Variants in TRAPPC8 observed in about 807,000 individuals in gnomAD.
The protein encoded by TRAPPC8 is general sporulation gene 1 homolog.
TRAPPC8 carries 54 observed loss-of-function variants against 174.3 expected under a neutral mutation model. That is an observed-to-expected ratio of 0.31 (90% CI 0.25 to 0.39). The LOEUF is 0.39. Among genes scored for constraint, TRAPPC8 ranks in the 10% least tolerant of loss-of-function variants. TRAPPC8 has a pLI of 1.00. For missense variants in TRAPPC8, 1,531 were observed against 1,699.1 expected (o/e 0.90, Z 1.74); for synonymous variants, 630 against 579.9 (o/e 1.09, Z -1.24).
At chr18:31,921,728 T>C (rs1172132712) in intron 2 of TRAPPC8, among the ~76,000 whole-genome samples, 1 of 152,160 alleles carries the variant, frequency 6.6e-6, no homozygotes. Context: ...AGCTTTCTCA[T>C]CTCACCTTCT....
At chr18:31,837,270 ATGC>A (rs2032803534) in intron 27 of TRAPPC8, among the ~76,000 whole-genome samples, 1 of 152,136 alleles carries the variant, frequency 6.6e-6, no homozygotes, top group Non-Finnish European at 1.5e-5. Context: ...GAATTCGCAT[ATGC>A]TGCTATTGGA....
At chr18:31,912,879 A>AGCC (rs2036977971) in intron 5 of TRAPPC8, among the ~76,000 whole-genome samples, 1 of 152,050 alleles carries the variant, frequency 6.6e-6, no homozygotes, top group Non-Finnish European at 1.5e-5. Flanking sequence ...TGTAACCCTA[A>AGCC]CACTTTGGGA....
In TRAPPC8 at chr18:31,829,554, C is replaced by T. The variant is rs2032240978; in HGVS notation, c.*1201G>A. On this transcript the variant is annotated 3_prime_UTR_variant, in exon 29 of 29. Transcript: ENST00000283351. ...CAGAGAGGCACACAGACTAGCCACCCATCTCTCAAGAAGAGTTGTTCCAAG... is the reference window on the plus strand; with the variant it reads ...CAGAGAGGCACACAGACTAGCCACCTATCTCTCAAGAAGAGTTGTTCCAAG... 1 of 152,268 alleles carries T rather than the reference C, an allele frequency of 6.6e-6. No homozygotes were observed. Among genetic ancestry groups the T allele is most frequent in the Non-Finnish European group, 1.5e-5 (1 of 68,086 alleles). 9.4% of individuals were successfully genotyped at this position (152,268 alleles called of 1,614,324 possible).
At chr18:31,846,019 C>T (rs78736206) in intron 26 of TRAPPC8, among the ~76,000 whole-genome samples, 2 of 152,204 alleles carry the variant, frequency 1.3e-5, no homozygotes, top group Non-Finnish European at 2.9e-5. Context: ...TTACAATATA[C>T]CCTCGGAGCT....
chr18:31,891,487 CAAGT>C (rs2035952754), intron 11 of TRAPPC8, among the ~76,000 whole-genome samples: 1 of 152,160 alleles, frequency 6.6e-6, no homozygotes, highest in African/African-American at 2.4e-5. Flanking sequence ...GAATACAACT[CAAGT>C]AAGTTTCCAC....
intron 2 of TRAPPC8, among the ~76,000 whole-genome samples, chr18:31,925,036 A>G (rs916281769): frequency 2.6e-5 from 4 of 152,152 alleles, no homozygotes; most frequent in Non-Finnish European, 4.4e-5. Context: ...GAAAAAAACT[A>G]TAAGTAATAA....
At chr18:31,927,032 G>C (rs2037646076) in intron 2 of TRAPPC8, among the ~76,000 whole-genome samples, 1 of 152,108 alleles carries the variant, frequency 6.6e-6, no homozygotes, top group South Asian at 2.1e-4. Flanking sequence ...GAAATTGGTG[G>C]GGCAAGGTAC....
chr18:31,861,586 C>T (rs1197874818), intron 19 of TRAPPC8, among the ~76,000 whole-genome samples: 1 of 151,978 alleles, frequency 6.6e-6, no homozygotes, highest in Non-Finnish European at 1.5e-5. Context: ...ATTTAAAAAC[C>T]ATCTGTACAT....
chr18:31,881,945 G>A (rs536737590), intron 12 of TRAPPC8, among the ~76,000 whole-genome samples: 1 of 152,192 alleles, frequency 6.6e-6, no homozygotes, highest in East Asian at 1.9e-4. Flanking sequence ...TCTCATACCA[G>A]TTTAGAATGG....
At chr18:31,917,814 CAT>C (rs1188630177) in intron 2 of TRAPPC8, 147 bp from the exon 3 acceptor site, 2 of 673,488 alleles carry the variant, frequency 3.0e-6, no homozygotes, top group Non-Finnish European at 2.5e-6. Flanking sequence ...TTCAGATGTA[CAT>C]GTGTGTATAT....
intron 9 of TRAPPC8, 88 bp from the exon 10 acceptor site, chr18:31,901,113 C>T: frequency 4.2e-6 from 5 of 1,203,986 alleles, no homozygotes; most frequent in Admixed American, 3.0e-5. Flanking sequence ...ATGAAATTTG[C>T]TGTTTTTTTT....
At chr18:31,839,497 T>C (rs750817785) in intron 26 of TRAPPC8, 40 bp from the exon 27 acceptor site, 4 of 1,507,058 alleles carry the variant, frequency 2.7e-6, no homozygotes, top group East Asian at 2.3e-5. Context: ...ATAAAAACAC[T>C]ACCTTGTTTA....
chr18:31,855,777 A>G lies in TRAPPC8; in HGVS notation c.3219T>C (p.Ile1073=). 6.2e-7 allele frequency: 1 copy of G among 1,603,610 alleles called. No homozygotes were observed. Among genetic ancestry groups the G allele is most frequent in the Non-Finnish European group, 8.5e-7 (1 of 1,177,616 alleles). The change falls in exon 21 of 29, where the codon ATT becomes ATC. Residue 1073 remains isoleucine, a synonymous_variant. Transcript: ENST00000283351. ...GTACATTTAAAGACCGACTGGTACA[A>G]ATAATTGCAGTGTGTCTTAATATTC... ...RHRILRHTAI[I]CTSRSLNVRA... is the part of the protein sequence containing the mutation.
At chr18:31,877,610 CAAA>C (rs1161138155) in intron 12 of TRAPPC8, among the ~76,000 whole-genome samples, 1 of 77,150 alleles carries the variant, frequency 1.3e-5, no homozygotes, top group East Asian at 4.1e-4. Flanking sequence ...GACTCCGTCT[CAAA>C]AAAAAAAAAA....
rs1008907501 is a variant in TRAPPC8 at position 31,830,598 on chromosome 18, A to G, written c.*157T>C. The G allele has an allele frequency of 1.6e-5, 10 of 618,582 alleles. No individual in the cohort carries two copies. The highest frequency in any genetic ancestry group is 1.2e-4 in the South Asian group (6 of 48,340). 38.3% of individuals were successfully genotyped at this position (618,582 alleles called of 1,614,324 possible). A position where few individuals can be genotyped will look rare whatever the true frequency, so the allele number is the denominator to read the frequency against. On this transcript the variant is annotated 3_prime_UTR_variant, in exon 29 of 29. Coordinates refer to ENST00000283351, the MANE Select transcript of TRAPPC8 (RefSeq NM_014939.5). Reference sequence around the variant, plus strand: ...AAGAATGTTAAGTATTCTCAGTCCAACGTGCTTTGCATCATCAACAAAATG... The same window carrying G: ...AAGAATGTTAAGTATTCTCAGTCCAGCGTGCTTTGCATCATCAACAAAATG...
At chr18:31,930,122 C>CT (rs763334461) in intron 2 of TRAPPC8, among the ~76,000 whole-genome samples, 226 of 144,362 alleles carry the variant, frequency 1.6e-3, no homozygotes, top group Middle Eastern at 3.6e-3. Flanking sequence ...TTAGGAAAAA[C>CT]TTTTTTTTTT....
At chr18:31,920,681 T>C (rs1404719128) in intron 2 of TRAPPC8, among the ~76,000 whole-genome samples, 1 of 151,980 alleles carries the variant, frequency 6.6e-6, no homozygotes, top group African/African-American at 2.4e-5. Flanking sequence ...GGCTCACACC[T>C]GTAATCCCAA....
chr18:31,900,729 T>C (rs1411534899), intron 10 of TRAPPC8, among the ~76,000 whole-genome samples, 196 bp downstream of exon 10: 1 of 152,024 alleles, frequency 6.6e-6, no homozygotes, highest in African/African-American at 2.4e-5. Flanking sequence ...CAACATTACA[T>C]AACACATTCC....
chr18:31,934,065 G>A (rs1023947803), intron 1 of TRAPPC8, among the ~76,000 whole-genome samples: 19 of 151,968 alleles, frequency 1.3e-4, no homozygotes, highest in African/African-American at 4.4e-4. Context: ...GCAAGCGCCT[G>A]TATTCCCAGC....
Sources: gnomAD v4.1 joint callset for allele counts (sites outside exome capture counted in the v4.1 genomes callset) on GRCh38, gnomAD v4.1.1 for gene constraint, MANE v1.5 for transcripts, NCBI Gene and HGNC (gene_info 2026-07-23, HGNC 2026-07-21) for gene names.